PHF21B: variants seen among roughly 807,000 people sequenced by gnomAD.
The protein encoded by PHF21B is PHD finger protein 4.
A neutral mutation model predicts 62.2 loss-of-function variants in PHF21B; 22 were observed. That is an observed-to-expected ratio of 0.35 (90% CI 0.25 to 0.51). PHF21B has a LOEUF of 0.51. Among genes scored for constraint, PHF21B ranks in the 20% least tolerant of loss-of-function variants. The probability of loss-of-function intolerance (pLI) is 0.97; values close to 1 mark genes in which losing one functional copy is unlikely to be tolerated. For synonymous variants in PHF21B, 341 were observed against 314.7 expected, an observed-to-expected ratio of 1.08 and a Z score of -0.88; for missense variants, 701 against 707.9, an observed-to-expected ratio of 0.99 and a Z score of 0.11.
At chr22:44,956,499 A>G (rs2072300133) in intron 2 of PHF21B, among the ~76,000 whole-genome samples, 1 of 152,234 alleles carries the variant, frequency 6.6e-6, no homozygotes, top group Admixed American at 6.5e-5. Context: ...GTCAATATTT[A>G]ATTTACTCAT....
chr22:44,886,925 C>T (rs892555025), intron 10 of PHF21B, among the ~76,000 whole-genome samples: 2 of 152,126 alleles, frequency 1.3e-5, no homozygotes, highest in Non-Finnish European at 1.5e-5. Flanking sequence ...GAGGTCAAGG[C>T]GGACAGATCA....
chr22:44,973,548 C>T (rs1417234576), intron 2 of PHF21B, among the ~76,000 whole-genome samples: 1 of 152,102 alleles, frequency 6.6e-6, no homozygotes, highest in African/African-American at 2.4e-5. Flanking sequence ...GTGGGGGCTA[C>T]CTCAAGACTT....
chr22:44,984,350 T>C (rs1461436187), intron 2 of PHF21B, among the ~76,000 whole-genome samples: 1 of 151,280 alleles, frequency 6.6e-6, no homozygotes, highest in Non-Finnish European at 1.5e-5. Flanking sequence ...CCTTCACATC[T>C]TTCCATCTGG....
chr22:44,931,644 G>GT (rs1322532175), intron 2 of PHF21B, among the ~76,000 whole-genome samples: 1 of 128,284 alleles, frequency 7.8e-6, no homozygotes, highest in African/African-American at 3.0e-5. Flanking sequence ...TGATCTTGGG[G>GT]GGGGGGTGTC....
chr22:44,896,418 T>C (rs1034362412), intron 5 of PHF21B, among the ~76,000 whole-genome samples: 1 of 152,036 alleles, frequency 6.6e-6, no homozygotes, highest in East Asian at 1.9e-4. Context: ...AGTCAGTTTC[T>C]AAGAAACACA....
chr22:44,987,408 G>GT (rs1262502080), intron 2 of PHF21B, among the ~76,000 whole-genome samples: 1 of 152,192 alleles, frequency 6.6e-6, no homozygotes, highest in Non-Finnish European at 1.5e-5. Context: ...AAGCTAAGCT[G>GT]TAACAGCCAC....
chr22:45,009,376 G>A lies in PHF21B; in HGVS notation c.54+120C>T. 9.4e-7 allele frequency: 1 copy of A among 1,067,476 alleles called. No homozygotes were observed. Among genetic ancestry groups the A allele is most frequent in the Non-Finnish European group, 1.3e-6 (1 of 772,972 alleles). The allele number at this position is 1,067,476 out of a possible 1,614,324, so 66.1% of individuals were successfully genotyped here. A position where few individuals can be genotyped will look rare whatever the true frequency, so the allele number is the denominator to read the frequency against. Reference sequence around the variant, plus strand: ...GCTCACTCCCTCGCCCCCCGCCCCCGGGCAGGCTCCAGCCTGGAAGACCCA... The same window carrying A: ...GCTCACTCCCTCGCCCCCCGCCCCCAGGCAGGCTCCAGCCTGGAAGACCCA... On this transcript the variant is annotated intron_variant, in intron 1 of 12. Transcript: ENST00000313237. The surrounding 1 kb of genome is among the most constrained non-coding windows in gnomAD (Gnocchi z 5.9).
rs943142355 is a variant in PHF21B, at chr22:44,933,391, G to A, written c.121-12901C>T. 4.4e-6 allele frequency: 4 copies of A among 913,482 alleles called. No individual in the cohort carries two copies. In the African/African-American group the frequency reaches 5.4e-5, roughly 12 times the overall value. 56.6% of individuals were successfully genotyped at this position (913,482 alleles called of 1,614,324 possible). A position where few individuals can be genotyped will look rare whatever the true frequency, so the allele number is the denominator to read the frequency against. ...CTCCGAAAGTGATGGGATTACAGGC[G>A]TGAGCCACTGCGCTCGGCCTCTTCT... is the stretch of plus-strand genomic sequence containing the variant. On this transcript the variant is annotated intron_variant, in intron 2 of 12. Coordinates refer to ENST00000313237, the MANE Select transcript of PHF21B (RefSeq NM_138415.5).
intron 2 of PHF21B, chr22:45,002,145 C>A (rs2073231702): frequency 6.6e-6 from 1 of 152,108 alleles, no homozygotes; most frequent in South Asian, 2.1e-4. Context: ...TAGTAACAGA[C>A]AAAATAATAA....
chr22:44,960,374 T>C (rs940062126), intron 2 of PHF21B, among the ~76,000 whole-genome samples: 3 of 152,156 alleles, frequency 2.0e-5, no homozygotes, highest in Non-Finnish European at 4.4e-5. Flanking sequence ...GACACTGCAG[T>C]CCGGCAGCAC....
At chr22:44,937,589 A>T (rs1322264391) in intron 2 of PHF21B, among the ~76,000 whole-genome samples, 2 of 152,268 alleles carry the variant, frequency 1.3e-5, no homozygotes, top group African/African-American at 4.8e-5. Flanking sequence ...GTGTTTACAC[A>T]AGAGAAATGA....
At chr22:44,958,635 T>A (rs1054533209) in intron 2 of PHF21B, among the ~76,000 whole-genome samples, 1 of 135,090 alleles carries the variant, frequency 7.4e-6, no homozygotes, top group Non-Finnish European at 1.5e-5. Context: ...AGATGGAGTC[T>A]TACTCTGTCA....
intron 2 of PHF21B, among the ~76,000 whole-genome samples, chr22:44,984,777 T>C (rs183754483): frequency 9.6e-4 from 146 of 152,382 alleles, no homozygotes; most frequent in Non-Finnish European, 1.4e-3. Flanking sequence ...GACTGTTTTC[T>C]ATTCCTGTTA....
At chr22:44,995,890 C>G (rs189667332) in intron 2 of PHF21B, among the ~76,000 whole-genome samples, 15 of 151,460 alleles carry the variant, frequency 9.9e-5, no homozygotes, top group Admixed American at 7.9e-4. Context: ...GGGCCCCAGA[C>G]GATGCAGAGG....
At chr22:44,930,229 G>A (rs1415797488) in intron 2 of PHF21B, among the ~76,000 whole-genome samples, 1 of 152,172 alleles carries the variant, frequency 6.6e-6, no homozygotes, top group Non-Finnish European at 1.5e-5. Context: ...CTATCCCCAA[G>A]TCATGACTGC....
At chr22:44,944,651 G>C (rs60733360) in intron 2 of PHF21B, among the ~76,000 whole-genome samples, 2 of 152,202 alleles carry the variant, frequency 1.3e-5, no homozygotes, top group African/African-American at 4.8e-5. Context: ...GCCCATCCTG[G>C]TTCCTCTATC....
intron 5 of PHF21B, among the ~76,000 whole-genome samples, chr22:44,899,285 C>CTTTTTTTT (rs71188499): frequency 1.0e-5 from 1 of 97,560 alleles, no homozygotes; most frequent in African/African-American, 3.6e-5. Context: ...TGTTCTTATT[C>CTTTTTTTT]TTTTTTTTTT....
At chr22:44,980,305 T>C (rs914813692) in intron 2 of PHF21B, among the ~76,000 whole-genome samples, 2 of 151,604 alleles carry the variant, frequency 1.3e-5, no homozygotes, top group East Asian at 1.9e-4. Flanking sequence ...CAGGTGTCTC[T>C]ATCTACACCT....
chr22:44,987,561 TGAA>T (rs1411637539), intron 2 of PHF21B, among the ~76,000 whole-genome samples: 1 of 151,624 alleles, frequency 6.6e-6, no homozygotes, highest in East Asian at 1.9e-4. Flanking sequence ...ACCTGAGAGG[TGAA>T]GTTGGGGAGG....
Sources: allele counts gnomAD v4.1 joint callset (sites outside exome capture counted in the v4.1 genomes callset), GRCh38; gene constraint gnomAD v4.1.1; non-coding constraint Gnocchi (gnomAD v3.1); transcripts MANE v1.5; gene names NCBI Gene and HGNC (gene_info 2026-07-23, HGNC 2026-07-21).